The following TUSC3 variants were observed in gnomAD, a reference collection of about 807,000 sequenced individuals.
TUSC3 encodes the protein tumor suppressor candidate 3.
Under a neutral mutation model 44.8 loss-of-function variants are expected in TUSC3, and 45 were observed. The ratio of observed to expected loss-of-function variants is 1.00; its 90% confidence interval spans 0.79 to 1.29. TUSC3 has a LOEUF of 1.29. Ranked by LOEUF, TUSC3 falls within the 50% of genes most tolerant of loss-of-function variation. The pLI is 0.00. For synonymous variants in TUSC3, 212 were observed against 152.9 expected, an observed-to-expected ratio of 1.39 and a Z score of -2.85; for missense variants, 519 against 437.9, an observed-to-expected ratio of 1.19 and a Z score of -1.65.
At chr8:15,812,079 T>C in the TUSC3 span, among the ~76,000 whole-genome samples, 2 of 152,246 alleles carry the variant, frequency 1.3e-5, no homozygotes, top group Admixed American at 6.5e-5. Context: ...ATTGGTTTTC[T>C]TGTCAAGGTT....
chr8:15,497,520 C>T (rs1379285074), intron 2 of TUSC3, among the ~76,000 whole-genome samples: 1 of 152,116 alleles, frequency 6.6e-6, no homozygotes, highest in African/African-American at 2.4e-5. Flanking sequence ...GAAGAATTGT[C>T]TCCTTTGACG....
At chr8:15,704,971 A>G (rs1326503661) in intron 6 of TUSC3, among the ~76,000 whole-genome samples, 1 of 151,634 alleles carries the variant, frequency 6.6e-6, no homozygotes, top group Admixed American at 6.6e-5. Flanking sequence ...AGTCCTTATT[A>G]TTTGGAACAC....
intron 2 of TUSC3, among the ~76,000 whole-genome samples, chr8:15,648,441 C>A: frequency 6.6e-6 from 1 of 152,088 alleles, no homozygotes; most frequent in Middle Eastern, 3.4e-3. Flanking sequence ...AAGAATAAGA[C>A]GTTGGCTGGG....
chr8:15,457,251 G>A (rs1800269052), intron 1 of TUSC3, among the ~76,000 whole-genome samples: 1 of 151,872 alleles, frequency 6.6e-6, no homozygotes, highest in Non-Finnish European at 1.5e-5. Context: ...CACCAACATG[G>A]CACGTGTATA....
rs372843143 is a variant in TUSC3, at chr8:15,764,265, C to T, written c.*109C>T. The T allele has an allele frequency of 2.5e-6, 4 of 1,576,798 alleles. No individual in the cohort carries two copies. The highest frequency in any genetic ancestry group is 3.5e-6 in the Non-Finnish European group (4 of 1,148,706). On this transcript the variant is annotated 3_prime_UTR_variant, in exon 11 of 11. Coordinates refer to ENST00000503731, the MANE Select transcript of TUSC3 (RefSeq NM_006765.4). ...AGTGAATGTTTACCATGAAGATAAACTGTTCCTGACTTTATACTATTTTGA... is the reference window on the plus strand; with the variant it reads ...AGTGAATGTTTACCATGAAGATAAATTGTTCCTGACTTTATACTATTTTGA...
At chr8:15,616,472 G>T (rs1046654780) in intron 1 of TUSC3, among the ~76,000 whole-genome samples, 1 of 152,228 alleles carries the variant, frequency 6.6e-6, no homozygotes, top group Non-Finnish European at 1.5e-5. Flanking sequence ...GTCTACTCGG[G>T]AAGCTGAGGC....
At chr8:15,694,694 G>A (rs907143191) in intron 6 of TUSC3, among the ~76,000 whole-genome samples, 1 of 152,058 alleles carries the variant, frequency 6.6e-6, no homozygotes, top group African/African-American at 2.4e-5. Context: ...GGAAGATTTT[G>A]GGGGGCCATG....
In TUSC3 at chr8:15,758,186, A is replaced by G. The variant is rs978917546; in HGVS notation, c.*46+331A>G. 1.4e-5 allele frequency: 14 copies of G among 1,029,612 alleles called. No homozygotes were observed. The African/African-American group carries it at 1.4e-4, about 10-fold the overall frequency. The allele number at this position is 1,029,612 out of a possible 1,614,324, so 63.8% of individuals were successfully genotyped here. On this transcript the variant is annotated intron_variant, in intron 10 of 10. Transcript: ENST00000503731. The stretch of plus-strand genomic sequence containing the variant: ...GCAGTCAACAAATATATTTCATTCT[A>G]TCTAGGAAAAATGTAGCCAAATCTT...
In TUSC3 at chr8:15,684,225, C is replaced by G. The variant is rs111295634; in HGVS notation, c.798+10389C>G. On this transcript the variant is annotated intron_variant, in intron 6 of 10. Transcript: ENST00000503731. Reference sequence around the variant, plus strand: ...CCCAGGGGTGGGTGGGGGGCAGGCTCTAATGGGCTGTGCTTCTGCCTCCCA... The same window carrying G: ...CCCAGGGGTGGGTGGGGGGCAGGCTGTAATGGGCTGTGCTTCTGCCTCCCA... Among the ~76,000 whole-genome samples, 921 of 152,132 alleles carry G rather than the reference C, an allele frequency of 6.1e-3. 8 individuals carry two copies. Among genetic ancestry groups the G allele is most frequent in the African/African-American group, 0.021 (869 of 41,472 alleles).
At chr8:15,523,702 G>GTATATATATATATATATATATA (rs1563273682) in intron 2 of TUSC3, among the ~76,000 whole-genome samples, 15 of 111,990 alleles carry the variant, frequency 1.3e-4, no homozygotes, top group South Asian at 6.5e-4. Flanking sequence ...GTGTGTGTGT[G>GTATATATATATATATATATATA]TGTGTGTATA....
In TUSC3 at chr8:15,423,993, T is replaced by G. The variant is rs1452622648; in HGVS notation, n.91+6688T>G. 3.8e-3 allele frequency among the ~76,000 whole-genome samples: 507 copies of G among 134,764 alleles called. 23 individuals are homozygous for G. The highest frequency in any genetic ancestry group is 0.011 in the African/African-American group (427 of 37,358). 88.4% of individuals were successfully genotyped at this position (134,764 alleles called of 152,430 possible). A position where few individuals can be genotyped will look rare whatever the true frequency, so the allele number is the denominator to read the frequency against. On this transcript the variant is annotated intron_variant and non_coding_transcript_variant, in intron 1 of 5. Coordinates refer to the TUSC3 transcript ENST00000503191. The stretch of plus-strand genomic sequence containing the variant: ...TGTTTTTTTTTTTTTTTTTTTTTTT[T>G]TTTTTTTTTTTTTTGAGAAGGAGTT...
chr8:15,485,778 T>A (rs1053202445), intron 2 of TUSC3, among the ~76,000 whole-genome samples: 1 of 150,120 alleles, frequency 6.7e-6, no homozygotes, highest in East Asian at 2.0e-4. Context: ...TGAATATGAG[T>A]TTGAGTTTTT....
chr8:15,809,959 C>T, the TUSC3 span, among the ~76,000 whole-genome samples: 2 of 152,138 alleles, frequency 1.3e-5, no homozygotes, highest in Non-Finnish European at 2.9e-5. Flanking sequence ...GTTAAACCTC[C>T]TAGTTAAAAT....
chr8:15,827,735 A>G, the TUSC3 span, among the ~76,000 whole-genome samples: 1 of 152,148 alleles, frequency 6.6e-6, no homozygotes, highest in Non-Finnish European at 1.5e-5. Flanking sequence ...TTTGCCCCAG[A>G]AAAAGCCATA....
intron 1 of TUSC3, among the ~76,000 whole-genome samples, chr8:15,551,856 A>C (rs1802071639): frequency 6.6e-6 from 1 of 151,732 alleles, no homozygotes; most frequent in Non-Finnish European, 1.5e-5. Flanking sequence ...ACTTCTGTTG[A>C]GTTAGCGTCA....
At chr8:15,530,080 C>T (rs1209079411) in intron 2 of TUSC3, among the ~76,000 whole-genome samples, 6 of 134,862 alleles carry the variant, frequency 4.4e-5, no homozygotes, top group South Asian at 2.2e-4. Flanking sequence ...CCACCGCGCC[C>T]GGCCGAAAAA....
intron 1 of TUSC3, among the ~76,000 whole-genome samples, chr8:15,578,606 C>A (rs1414787247): frequency 6.7e-6 from 1 of 148,804 alleles, no homozygotes; most frequent in South Asian, 2.1e-4. Flanking sequence ...TGTTTATATG[C>A]TGGATTACAT....
chr8:15,579,152 T>A (rs149196507), intron 1 of TUSC3, among the ~76,000 whole-genome samples: 2 of 148,282 alleles, frequency 1.3e-5, no homozygotes, highest in African/African-American at 4.9e-5. Context: ...TCTGTGGGAT[T>A]GGTGGTGATA....
chr8:15,689,860 G>GAAA (rs1563174260), intron 6 of TUSC3, among the ~76,000 whole-genome samples: 5 of 41,028 alleles, frequency 1.2e-4, no homozygotes, highest in East Asian at 5.7e-4. Flanking sequence ...GTGTGTGTGT[G>GAAA]TGTATAAATA....
Sources: gnomAD v4.1 joint callset for allele counts (sites outside exome capture counted in the v4.1 genomes callset) on GRCh38, gnomAD v4.1.1 for gene constraint, MANE v1.5 for transcripts, NCBI Gene and HGNC (gene_info 2026-07-23, HGNC 2026-07-21) for gene names.